Variants in ABCG8 observed in about 807,000 individuals in gnomAD.
ABCG8 encodes the protein ATP binding cassette subfamily G member 8, also known as ATP-binding cassette sub-family G member 8.
In ABCG8, 81 loss-of-function variants were observed where a neutral mutation model predicts 71.3. The observed-to-expected ratio is 1.14, with a 90% CI of 0.95 to 1.37. ABCG8 has a LOEUF of 1.37. ABCG8 is among the 40% of genes most tolerant of loss of function. The probability of loss-of-function intolerance (pLI) is 0.00; values close to 1 mark genes in which losing one functional copy is unlikely to be tolerated. For missense variants in ABCG8, 1,119 were observed against 866.2 expected, an observed-to-expected ratio of 1.29 and a Z score of -3.66; for synonymous variants, 451 against 354.7, an observed-to-expected ratio of 1.27 and a Z score of -3.05.
chr2:43,873,768 C>G lies in ABCG8; in HGVS notation c.1212-19C>G, dbSNP rs1340064853. On this transcript the variant is annotated intron_variant, in intron 8 of 12. Coordinates refer to ENST00000272286, the MANE Select transcript of ABCG8 (RefSeq NM_022437.3). ...GGTGTATGCTGTTGCCTCAGCATCT[C>G]TTCCTTTTGGTTTTTAAGTCGTCAG... The G allele has an allele frequency of 1.9e-6, 3 of 1,613,902 alleles. No homozygotes were observed. The highest frequency in any genetic ancestry group is 1.7e-5 in the Admixed American group (1 of 60,026).
At chr2:43,843,718 T>C (rs905409537) in intron 1 of ABCG8, among the ~76,000 whole-genome samples, 4 of 152,146 alleles carry the variant, frequency 2.6e-5, no homozygotes, top group African/African-American at 7.2e-5. Context: ...GTTTAAATGA[T>C]TGAATTGTCA....
intron 6 of ABCG8, among the ~76,000 whole-genome samples, chr2:43,862,978 ACTGT>A (rs1415809086): frequency 1.3e-5 from 2 of 151,036 alleles, no homozygotes; most frequent in African/African-American, 4.9e-5. Context: ...TAGAATTCTC[ACTGT>A]CTGTATAGAA....
At position 43,871,016 on chromosome 2, in the gene ABCG8, C is replaced by T. The variant is rs148154065; in HGVS notation, c.965-960C>T. Among the ~76,000 whole-genome samples the T allele has an allele frequency of 7.3e-3, 1,040 of 143,170 alleles. 12 individuals carry two copies. Among genetic ancestry groups the T allele is most frequent in the African/African-American group, 0.024 (907 of 38,072 alleles). 93.9% of individuals were successfully genotyped at this position (143,170 alleles called of 152,430 possible). A position where few individuals can be genotyped will look rare whatever the true frequency, so the allele number is the denominator to read the frequency against. ...ACTGTGTGGGAATAGAACTCTCACT[C>T]TCTGGATAGAACTCTCACTATCTAT... On this transcript the variant is annotated intron_variant, in intron 6 of 12. Coordinates refer to ENST00000272286, the MANE Select transcript of ABCG8 (RefSeq NM_022437.3).
chr2:43,876,897 T>A (rs1669976605), intron 11 of ABCG8, among the ~76,000 whole-genome samples: 1 of 148,552 alleles, frequency 6.7e-6, no homozygotes, highest in African/African-American at 2.5e-5. Flanking sequence ...CATGGGAATA[T>A]GGGGAGACTG....
At chr2:43,869,222 G>A (rs999744297) in intron 6 of ABCG8, among the ~76,000 whole-genome samples, 2 of 150,508 alleles carry the variant, frequency 1.3e-5, no homozygotes, top group African/African-American at 4.9e-5. Flanking sequence ...TTACCCTCTG[G>A]GTTGAACTCT....
Position 43,881,284 on chromosome 2 carries a change from G to T in ABCG8, c.*3371G>T, listed in dbSNP as rs886857919. On this transcript the variant is annotated 3_prime_UTR_variant, in exon 13 of 13. Coordinates refer to ENST00000272286, the MANE Select transcript of ABCG8 (RefSeq NM_022437.3). ...TTATTTGTGTTTTTCCTACAGCGGT[G>T]GTTCTCCACCCTGGTTGCCCATGCT... The T allele has an allele frequency of 1.3e-5, 2 of 152,244 alleles. No homozygotes were observed. Among genetic ancestry groups the T allele is most frequent in the Non-Finnish European group, 2.9e-5 (2 of 68,072 alleles). 9.4% of individuals were successfully genotyped at this position (152,244 alleles called of 1,614,324 possible). A position where few individuals can be genotyped will look rare whatever the true frequency, so the allele number is the denominator to read the frequency against.
intron 11 of ABCG8, among the ~76,000 whole-genome samples, chr2:43,876,374 G>T (rs1047042212): frequency 6.6e-6 from 1 of 152,196 alleles, no homozygotes; most frequent in Non-Finnish European, 1.5e-5. Context: ...ATGTGCCCTT[G>T]TGCAGGTAAG....
intron 3 of ABCG8, chr2:43,847,177 T>C (rs1668771157): frequency 6.6e-6 from 1 of 152,240 alleles, no homozygotes; most frequent in Non-Finnish European, 1.5e-5. Context: ...TACATAGTGC[T>C]GGAGAGAGCA....
chr2:43,853,828 G>A (rs72796751), intron 6 of ABCG8, among the ~76,000 whole-genome samples: 8,242 of 152,228 alleles, frequency 0.054, 273 homozygotes, highest in Middle Eastern at 0.11. Context: ...GTGACTCCTC[G>A]TCCAGCAGCC....
chr2:43,879,416 G>A lies in ABCG8; in HGVS notation c.*1503G>A, dbSNP rs887528703. The A allele has an allele frequency of 3.3e-5, 5 of 152,264 alleles. No individual in the cohort carries two copies. The highest frequency in any genetic ancestry group is 1.2e-4 in the African/African-American group (5 of 41,458). The allele number at this position is 152,264 out of a possible 1,614,324, so 9.4% of individuals were successfully genotyped here. On this transcript the variant is annotated 3_prime_UTR_variant, in exon 13 of 13. Coordinates refer to ENST00000272286, the MANE Select transcript of ABCG8 (RefSeq NM_022437.3). Reference sequence around the variant, plus strand: ...AGAATGGGCACAGCTGGAGCTGATTGGATAGGTCCCATGAGCCTCAGGCCC... The same window carrying A: ...AGAATGGGCACAGCTGGAGCTGATTAGATAGGTCCCATGAGCCTCAGGCCC...
chr2:43,856,138 G>T (rs1192439894), intron 6 of ABCG8, among the ~76,000 whole-genome samples: 1 of 149,314 alleles, frequency 6.7e-6, no homozygotes, highest in Non-Finnish European at 1.5e-5. Flanking sequence ...CTCCCACTAT[G>T]TATCTGGATA....
chr2:43,850,033 C>T (rs1487826807), intron 3 of ABCG8, among the ~76,000 whole-genome samples: 1 of 152,028 alleles, frequency 6.6e-6, no homozygotes, highest in Non-Finnish European at 1.5e-5. Context: ...AACCCCGTCG[C>T]TGCTAAAAAT....
At chr2:43,848,245 C>T (rs1353767297) in intron 3 of ABCG8, 3 of 152,214 alleles carry the variant, frequency 2.0e-5, no homozygotes, top group Admixed American at 1.3e-4. Context: ...AGTTCAGAGG[C>T]TCCCCCAAGC....
Position 43,878,110 on chromosome 2 carries a change from G to T in ABCG8, c.*197G>T. The stretch of plus-strand genomic sequence containing the variant: ...ATAAAGACAGTCGAAAGGGATTTCT[G>T]CTCACTGGCAGGAGACTGCGATGAC... On this transcript the variant is annotated 3_prime_UTR_variant, in exon 13 of 13. Coordinates refer to ENST00000272286, the MANE Select transcript of ABCG8 (RefSeq NM_022437.3). 1 of 752,126 alleles carries T rather than the reference G, an allele frequency of 1.3e-6. No homozygotes were observed. Among genetic ancestry groups the T allele is most frequent in the Non-Finnish European group, 2.2e-6 (1 of 456,798 alleles). The allele number at this position is 752,126 out of a possible 1,614,324, so 46.6% of individuals were successfully genotyped here. A position where few individuals can be genotyped will look rare whatever the true frequency, so the allele number is the denominator to read the frequency against.
At chr2:43,853,602 C>A (rs182801613) in intron 6 of ABCG8, among the ~76,000 whole-genome samples, 4 of 152,250 alleles carry the variant, frequency 2.6e-5, no homozygotes, top group African/African-American at 9.6e-5. Context: ...AGCAAGGACC[C>A]CACCAGTAAA....
At chr2:43,875,852 C>T (rs1187349618) in intron 11 of ABCG8, among the ~76,000 whole-genome samples, 1 of 152,136 alleles carries the variant, frequency 6.6e-6, no homozygotes, top group African/African-American at 2.4e-5. Flanking sequence ...AAACCCATGC[C>T]CCCCTTTGTT....
Position 43,845,121 on chromosome 2 carries a change from AT to A in ABCG8, c.165+523del, listed in dbSNP as rs58336297. 1.6e-4 allele frequency among the ~76,000 whole-genome samples: 21 copies of A among 133,118 alleles called. No homozygotes were observed. The South Asian group carries it at 2.1e-3, about 14-fold the overall frequency. The allele number at this position is 133,118 out of a possible 152,430, so 87.3% of individuals were successfully genotyped here. A position where few individuals can be genotyped will look rare whatever the true frequency, so the allele number is the denominator to read the frequency against. Reference sequence around the variant, plus strand: ...GTGTATATATATATATATATATATAATTTTTTTTTTGTAAAATGTACTATCC... The same window carrying A: ...GTGTATATATATATATATATATATAATTTTTTTTTGTAAAATGTACTATCC... On this transcript the variant is annotated intron_variant, in intron 2 of 12. Transcript: ENST00000272286.
intron 3 of ABCG8, 174 bp downstream of exon 3, chr2:43,846,485 C>G: frequency 1.1e-6 from 1 of 939,332 alleles, no homozygotes; most frequent in Non-Finnish European, 1.6e-6. Context: ...CCTGGCTCCT[C>G]CATTTGCTGG....
intron 1 of ABCG8, among the ~76,000 whole-genome samples, chr2:43,842,104 A>T (rs1431091246): frequency 6.6e-6 from 1 of 151,978 alleles, no homozygotes; most frequent in Non-Finnish European, 1.5e-5. Context: ...CTGCCGGTTC[A>T]AGTGATTCTC....
Sources: allele counts gnomAD v4.1 joint callset (sites outside exome capture counted in the v4.1 genomes callset), GRCh38; gene constraint gnomAD v4.1.1; transcripts MANE v1.5; gene names NCBI Gene and HGNC (gene_info 2026-07-23, HGNC 2026-07-21).